SLC8A1: variants seen among roughly 807,000 people sequenced by gnomAD.
SLC8A1 encodes solute carrier family 8 member A1.
SLC8A1 carries 18 observed loss-of-function variants against 68.3 expected under a neutral mutation model. That is an observed-to-expected ratio of 0.26 (90% CI 0.18 to 0.39). SLC8A1 has a LOEUF of 0.39. Ranked by LOEUF, SLC8A1 falls within the 10% of genes least tolerant of loss-of-function variation. SLC8A1 has a pLI of 1.00. For synonymous variants in SLC8A1, 475 were observed against 415.5 expected (o/e 1.14, Z -1.74); for missense variants, 985 against 1,156.7 (o/e 0.85, Z 2.15).
upstream of SLC8A1, among the ~76,000 whole-genome samples, chr2:40,456,709 C>G (rs1044857669): frequency 6.6e-6 from 1 of 152,126 alleles, no homozygotes; most frequent in Non-Finnish European, 1.5e-5. Context: ...AGTAATTGCT[C>G]AGCAAACGAT....
chr2:40,364,162 AAAG>A (rs1457053616), intron 2 of SLC8A1, among the ~76,000 whole-genome samples: 2 of 152,138 alleles, frequency 1.3e-5, no homozygotes, highest in Non-Finnish European at 1.5e-5. Flanking sequence ...AGATATTTTT[AAAG>A]AAGTATCAGA....
chr2:40,185,978 A>G (rs2050628595), intron 2 of SLC8A1, among the ~76,000 whole-genome samples: 1 of 151,816 alleles, frequency 6.6e-6, no homozygotes, highest in South Asian at 2.1e-4. Flanking sequence ...TCTGTACCCT[A>G]CTCCTTTCCT....
intron 2 of SLC8A1, chr2:40,190,832 C>G (rs2051664145): frequency 6.6e-6 from 1 of 152,110 alleles, no homozygotes; most frequent in Admixed American, 6.6e-5. Flanking sequence ...CTGGGCATCC[C>G]ACTTAGCAGT....
chr2:40,218,350 A>C (rs2057804319), intron 2 of SLC8A1, among the ~76,000 whole-genome samples: 2 of 152,216 alleles, frequency 1.3e-5, no homozygotes, highest in African/African-American at 4.8e-5. Context: ...TTAGGCACAG[A>C]ATTTTTGAAT....
chr2:40,437,776 A>C (rs1699717288), intron 1 of SLC8A1, among the ~76,000 whole-genome samples: 1 of 152,130 alleles, frequency 6.6e-6, no homozygotes, highest in Non-Finnish European at 1.5e-5. Context: ...AAATGCAAAA[A>C]CAACACATTC....
upstream of SLC8A1, among the ~76,000 whole-genome samples, chr2:40,456,717 G>A (rs1024925197): frequency 5.3e-5 from 8 of 152,142 alleles, no homozygotes; most frequent in Non-Finnish European, 1.0e-4. Context: ...CTCAGCAAAC[G>A]ATATTGCTGT....
At chr2:40,432,636 A>G (rs1480308828) in intron 1 of SLC8A1, among the ~76,000 whole-genome samples, 2 of 151,922 alleles carry the variant, frequency 1.3e-5, no homozygotes, top group African/African-American at 4.8e-5. Flanking sequence ...CAATGTAGCA[A>G]GAGGGTAATG....
At chr2:40,261,663 A>C (rs429098) in intron 2 of SLC8A1, among the ~76,000 whole-genome samples, 25,398 of 152,120 alleles carry the variant, frequency 0.17, 2,381 homozygotes, top group Admixed American at 0.3. Flanking sequence ...TCTGTATGAC[A>C]AAATACTATG....
chr2:40,234,016 T>C (rs1219988844), intron 2 of SLC8A1, among the ~76,000 whole-genome samples: 2 of 152,218 alleles, frequency 1.3e-5, no homozygotes, highest in African/African-American at 2.4e-5. Context: ...AGTATATAGT[T>C]TGAAGTCAGG....
chr2:40,153,412 A>T (rs538467230), intron 6 of SLC8A1, among the ~76,000 whole-genome samples: 3 of 152,220 alleles, frequency 2.0e-5, no homozygotes, highest in Non-Finnish European at 4.4e-5. Context: ...AAAGATTCCA[A>T]CAAATAAAGA....
At chr2:40,489,869 T>TC (rs1461620944) in intron 1 of SLC8A1, among the ~76,000 whole-genome samples, 1 of 151,698 alleles carries the variant, frequency 6.6e-6, no homozygotes, top group Non-Finnish European at 1.5e-5. Context: ...CTTTTCTAAA[T>TC]CCCCCCAAGC....
chr2:40,320,004 T>C (rs1575375195), intron 2 of SLC8A1, among the ~76,000 whole-genome samples: 1 of 152,086 alleles, frequency 6.6e-6, no homozygotes, highest in Non-Finnish European at 1.5e-5. Flanking sequence ...TTAAAGCTGT[T>C]ACATGGAAAT....
At chr2:40,340,759 C>T (rs1030593445) in intron 2 of SLC8A1, among the ~76,000 whole-genome samples, 2 of 152,070 alleles carry the variant, frequency 1.3e-5, no homozygotes, top group Non-Finnish European at 1.5e-5. Flanking sequence ...AAATTGAAAG[C>T]TGGGTGTGAG....
intron 6 of SLC8A1, 73 bp downstream of exon 9, chr2:40,160,692 A>G (rs934852336): frequency 2.2e-6 from 3 of 1,334,752 alleles, no homozygotes; most frequent in Non-Finnish European, 3.2e-6. Flanking sequence ...GCCATAGACC[A>G]AGTAGCCACA....
intron 2 of SLC8A1, among the ~76,000 whole-genome samples, chr2:40,277,821 T>TATATATA (rs1553469383): frequency 7.3e-6 from 1 of 137,376 alleles, no homozygotes; most frequent in East Asian, 2.4e-4. Context: ...TATATATATA[T>TATATATA]ATATATATAT....
At chr2:40,394,398 T>A (rs566331846) in intron 2 of SLC8A1, among the ~76,000 whole-genome samples, 19 of 152,008 alleles carry the variant, frequency 1.2e-4, no homozygotes, top group Non-Finnish European at 2.5e-4. Context: ...TTAACTATTT[T>A]ATTTAAAATA....
At chr2:40,125,844 C>T (rs544854013) in intron 7 of SLC8A1, among the ~76,000 whole-genome samples, 135 of 152,292 alleles carry the variant, frequency 8.9e-4, no homozygotes, top group Non-Finnish European at 1.7e-3. Context: ...TCCTTTTTCT[C>T]TCTCCCAGGG....
chr2:40,197,774 C>G (rs966889305), intron 2 of SLC8A1, among the ~76,000 whole-genome samples: 1 of 59,500 alleles, frequency 1.7e-5, no homozygotes, highest in Non-Finnish European at 4.7e-5. Context: ...TCTCCACTTT[C>G]TATGGAACCA....
At chr2:40,258,810 C>A (rs1263455541) in intron 2 of SLC8A1, among the ~76,000 whole-genome samples, 4 of 151,788 alleles carry the variant, frequency 2.6e-5, no homozygotes, top group Admixed American at 2.6e-4. Context: ...CCACTGCACA[C>A]CAGCCTGGGC....
Sources: allele counts gnomAD v4.1 joint callset (sites outside exome capture counted in the v4.1 genomes callset), GRCh38; gene constraint gnomAD v4.1.1; transcripts MANE v1.5; gene names NCBI Gene and HGNC (gene_info 2026-07-23, HGNC 2026-07-21).